RALGAPA1: variants seen among roughly 807,000 people sequenced by gnomAD.
RALGAPA1 encodes ral GTPase-activating protein subunit alpha-1.
A neutral mutation model predicts 269.6 loss-of-function variants in RALGAPA1; 52 were observed. The observed-to-expected ratio is 0.19, with a 90% CI of 0.15 to 0.24. RALGAPA1 has a LOEUF of 0.24. Ranked by LOEUF, RALGAPA1 falls within the 10% of genes least tolerant of loss-of-function variation. The pLI is 1.00. For missense variants in RALGAPA1, 1,917 were observed against 3,013.9 expected (o/e 0.64, Z 8.52); for synonymous variants, 817 against 1,008.3 (o/e 0.81, Z 3.60).
chr14:35,573,174 G>T (rs1288136871), intron 37 of RALGAPA1, among the ~76,000 whole-genome samples: 1 of 152,110 alleles, frequency 6.6e-6, no homozygotes, highest in Non-Finnish European at 1.5e-5. Context: ...CTTGAGAATT[G>T]TTAGACCCTC....
intron 3 of RALGAPA1, among the ~76,000 whole-genome samples, chr14:35,773,918 A>G (rs1326786318): frequency 1.3e-5 from 2 of 151,808 alleles, no homozygotes; most frequent in East Asian, 3.9e-4. Context: ...TATTATTATT[A>G]TTATTATTAT....
chr14:35,801,244 G>GACACAC (rs201700521), intron 1 of RALGAPA1, among the ~76,000 whole-genome samples: 1,509 of 135,080 alleles, frequency 0.011, 9 homozygotes, highest in East Asian at 0.023. Flanking sequence ...TATATACACA[G>GACACAC]ACACACACAC....
At chr14:35,694,005 G>A (rs1166461569) in intron 17 of RALGAPA1, among the ~76,000 whole-genome samples, 4 of 151,338 alleles carry the variant, frequency 2.6e-5, no homozygotes, top group Non-Finnish European at 4.4e-5. Flanking sequence ...TTTTTGTTTT[G>A]TTCATTGCAA....
At chr14:35,610,278 AT>A (rs974615340) in intron 35 of RALGAPA1, among the ~76,000 whole-genome samples, 37 of 150,724 alleles carry the variant, frequency 2.5e-4, no homozygotes, top group Middle Eastern at 6.9e-3. Context: ...GAAAGACACA[AT>A]TTTTTTCTTT....
intron 39 of RALGAPA1, among the ~76,000 whole-genome samples, chr14:35,556,033 C>CCCTT (rs1192368172): frequency 1.3e-5 from 2 of 151,968 alleles, no homozygotes; most frequent in Non-Finnish European, 2.9e-5. Flanking sequence ...ACAGTAAAAC[C>CCCTT]CCTTGCATGT....
chr14:35,783,676 T>A (rs1320505825), intron 1 of RALGAPA1, among the ~76,000 whole-genome samples: 2 of 152,200 alleles, frequency 1.3e-5, no homozygotes, highest in African/African-American at 4.8e-5. Context: ...ATACCTGATT[T>A]TAAAACATTA....
rs530947401 is a variant in RALGAPA1 at position 35,545,542 on chromosome 14, GAT to G, written c.*23+2964_*23+2965del. ...TTATAAAAAGTGTTATGTATGTATA[GAT>G]ATATGTTTGTGTATGTATATATATG... On this transcript the variant is annotated intron_variant, in intron 41 of 41. Coordinates refer to ENST00000680220, the MANE Select transcript of RALGAPA1 (RefSeq NM_001346249.2). Among the ~76,000 whole-genome samples the G allele has an allele frequency of 6.3e-4, 96 of 152,016 alleles. 1 individual carries two copies. Among genetic ancestry groups the G allele is most frequent in the African/African-American group, 1.9e-3 (79 of 41,490 alleles).
intron 33 of RALGAPA1, among the ~76,000 whole-genome samples, chr14:35,628,810 T>C (rs1239726759): frequency 6.6e-6 from 1 of 152,166 alleles, no homozygotes; most frequent in Non-Finnish European, 1.5e-5. Flanking sequence ...CAGTCAGTTG[T>C]ATGCAAGAAA....
rs146562217 is a variant in RALGAPA1 at position 35,539,573 on chromosome 14, C to T, written c.*141G>A. 812 of 1,613,076 alleles carry T rather than the reference C, an allele frequency of 5.0e-4. 7 individuals are homozygous for T. The highest frequency in any genetic ancestry group is 4.5e-3 in the South Asian group (406 of 91,018). ...TTTATTGGCTGAGCCAGAGGAACGACGCAGCTTCATGGACATGCGGCTTTT... is the reference window on the plus strand; with the variant it reads ...TTTATTGGCTGAGCCAGAGGAACGATGCAGCTTCATGGACATGCGGCTTTT... On this transcript the variant is annotated 3_prime_UTR_variant, in exon 42 of 42. Coordinates refer to ENST00000680220, the MANE Select transcript of RALGAPA1 (RefSeq NM_001346249.2).
chr14:35,606,202 G>A (rs565145957), intron 35 of RALGAPA1, among the ~76,000 whole-genome samples: 142 of 152,268 alleles, frequency 9.3e-4, no homozygotes, highest in African/African-American at 3.0e-3. Flanking sequence ...TTAACAACAG[G>A]GATAAATTCT....
At chr14:35,774,848 G>C (rs2074897035) in intron 3 of RALGAPA1, among the ~76,000 whole-genome samples, 158 bp downstream of exon 3, 1 of 152,146 alleles carries the variant, frequency 6.6e-6, no homozygotes, top group Non-Finnish European at 1.5e-5. Flanking sequence ...AAAAGTATAG[G>C]ATTCAGTCAG....
chr14:35,732,516 A>G (rs8021444), intron 12 of RALGAPA1, among the ~76,000 whole-genome samples: 4 of 151,940 alleles, frequency 2.6e-5, no homozygotes, highest in African/African-American at 9.7e-5. Context: ...AGGAGACTCA[A>G]CAAACACAGA....
intron 37 of RALGAPA1, among the ~76,000 whole-genome samples, chr14:35,583,678 G>C (rs945774314): frequency 2.6e-5 from 4 of 152,058 alleles, no homozygotes; most frequent in Middle Eastern, 3.4e-3. Flanking sequence ...GGAAAATCAA[G>C]GGGAAAGAAA....
At chr14:35,595,525 CT>C in intron 37 of RALGAPA1, 108 bp downstream of exon 37, 3 of 996,312 alleles carry the variant, frequency 3.0e-6, no homozygotes, top group Non-Finnish European at 4.7e-6. Flanking sequence ...GAGTGGTGTA[CT>C]ACAACCAGAA....
intron 17 of RALGAPA1, among the ~76,000 whole-genome samples, chr14:35,698,825 T>G (rs2067109761): frequency 6.6e-6 from 1 of 152,206 alleles, no homozygotes; most frequent in South Asian, 2.1e-4. Context: ...AAATCTGTGC[T>G]ACTTACATAA....
At chr14:35,761,328 TCAC>T (rs1460308682) in intron 5 of RALGAPA1, among the ~76,000 whole-genome samples, 1 of 152,144 alleles carries the variant, frequency 6.6e-6, no homozygotes, top group East Asian at 1.9e-4. Flanking sequence ...CTACCTCCCA[TCAC>T]CACTAGTCTA....
At chr14:35,561,038 G>A (rs1191074449) in intron 39 of RALGAPA1, among the ~76,000 whole-genome samples, 1 of 151,670 alleles carries the variant, frequency 6.6e-6, no homozygotes, top group East Asian at 1.9e-4. Context: ...GACCAGCCTG[G>A]CCAACATGGT....
chr14:35,571,828 T>TG (rs1442901915), intron 38 of RALGAPA1, among the ~76,000 whole-genome samples: 1 of 152,240 alleles, frequency 6.6e-6, no homozygotes, highest in Non-Finnish European at 1.5e-5. Context: ...CACAGTCTGC[T>TG]GGCCTCTGGT....
intron 31 of RALGAPA1, among the ~76,000 whole-genome samples, chr14:35,639,698 C>T (rs924504769): frequency 3.9e-5 from 6 of 151,970 alleles, no homozygotes; most frequent in South Asian, 2.1e-4. Context: ...CCAGCACTTT[C>T]GGAGGCCGAG....
Sources: allele counts gnomAD v4.1 joint callset (sites outside exome capture counted in the v4.1 genomes callset), GRCh38; gene constraint gnomAD v4.1.1; transcripts MANE v1.5; gene names NCBI Gene and HGNC (gene_info 2026-07-23, HGNC 2026-07-21).